Variants in TMEM234 observed in about 807,000 individuals in gnomAD.
TMEM234 encodes the protein transmembrane protein 234, also known as chromosome 1 open reading frame 91.
Under a neutral mutation model 17.8 loss-of-function variants are expected in TMEM234, and 21 were observed. That is an observed-to-expected ratio of 1.18 (90% confidence interval 0.84 to 1.70). The LOEUF (loss-of-function observed/expected upper bound fraction) is 1.70. Ranked by LOEUF, TMEM234 falls within the 40% of genes most tolerant of loss-of-function variation. The pLI is 0.00. For synonymous variants in TMEM234, 83 were observed against 73.5 expected (o/e 1.13, Z -0.66); for missense variants, 137 against 166.9 (o/e 0.82, Z 0.99).
chr1:32,217,611 C>CA (rs962525715), intron 3 of TMEM234: 1 of 722,726 alleles, frequency 1.4e-6, no homozygotes. Flanking sequence ...TCTTTGCACT[C>CA]AAAGAGAACT....
Position 32,216,363 on chromosome 1 carries a change from G to C in TMEM234, c.*490C>G, listed in dbSNP as rs1269504432. 6.5e-6 allele frequency: 10 copies of C among 1,549,450 alleles called. No individual in the cohort carries two copies. Among genetic ancestry groups the C allele is most frequent in the African/African-American group, 1.4e-5 (1 of 73,122 alleles). ...AAGGCTAATAGACAGCTCATTTCCTGCATCTGCCACTCCGACGCACCTTCT... is the reference window on the plus strand; with the variant it reads ...AAGGCTAATAGACAGCTCATTTCCTCCATCTGCCACTCCGACGCACCTTCT... On this transcript the variant is annotated 3_prime_UTR_variant, in exon 5 of 5. Coordinates refer to ENST00000309777, the MANE Select transcript of TMEM234 (RefSeq NM_019118.5).
At chr1:32,216,998 G>A (rs1638446647) in intron 4 of TMEM234, 51 bp from the exon 5 acceptor site, 1 of 1,612,720 alleles carries the variant, frequency 6.2e-7, no homozygotes, top group African/African-American at 1.3e-5. Flanking sequence ...CATGCCAGTA[G>A]GAGCTGGTAC....
downstream of TMEM234, chr1:32,214,660 C>A: frequency 7.9e-7 from 1 of 1,273,692 alleles, no homozygotes; most frequent in Non-Finnish European, 1.1e-6. Flanking sequence ...GGAGGGAGGA[C>A]GTACTTTGTG....
At chr1:32,215,739 G>A (rs1350105210), downstream of TMEM234, 5 of 1,356,876 alleles carry the variant, frequency 3.7e-6, no homozygotes, top group African/African-American at 5.9e-5. Context: ...GGACCTCCTG[G>A]CTGAGAGCTG....
At chr1:32,215,013 G>A (rs1638260649), downstream of TMEM234, 2 of 1,541,578 alleles carry the variant, frequency 1.3e-6, no homozygotes, top group Non-Finnish European at 1.8e-6. Flanking sequence ...TGTTGGGGAT[G>A]TCCATGGGAG....
Position 32,216,293 on chromosome 1 carries a change from G to A in TMEM234, c.*560C>T, listed in dbSNP as rs1638374520. ...TCACAGCTCTCTACCTGTTTAAGAG[G>A]GGCTGGCAGTGAGGATTTCTGCCTA... On this transcript the variant is annotated 3_prime_UTR_variant, in exon 5 of 5. Coordinates refer to ENST00000309777, the MANE Select transcript of TMEM234 (RefSeq NM_019118.5). The A allele has an allele frequency of 1.3e-6, 2 of 1,499,202 alleles. No individual in the cohort carries two copies. The highest frequency in any genetic ancestry group is 2.0e-5 in the Admixed American group (1 of 49,256). The allele number at this position is 1,499,202 out of a possible 1,614,324, so 92.9% of individuals were successfully genotyped here. A position where few individuals can be genotyped will look rare whatever the true frequency, so the allele number is the denominator to read the frequency against.
At chr1:32,216,972 A>C in intron 4 of TMEM234, 25 bp from the exon 5 acceptor site, 1 of 1,614,046 alleles carries the variant, frequency 6.2e-7, no homozygotes, top group Non-Finnish European at 8.5e-7. Flanking sequence ...AGAAATCAGG[A>C]GGGTCTGAGC....
chr1:32,217,440 TA>T, intron 3 of TMEM234, 89 bp from the exon 4 acceptor site: 1 of 1,580,866 alleles, frequency 6.3e-7, no homozygotes, highest in South Asian at 1.1e-5. Context: ...TTCATACCTT[TA>T]AAAAAGGTAT....
downstream of TMEM234, chr1:32,215,354 G>T: frequency 1.7e-6 from 2 of 1,156,732 alleles, no homozygotes; most frequent in Non-Finnish European, 2.4e-6. Context: ...TTCAGGGGAG[G>T]GAAAGGGGCT....
downstream of TMEM234, chr1:32,215,227 C>T (rs771859529): frequency 2.4e-4 from 142 of 587,564 alleles, no homozygotes; most frequent in Non-Finnish European, 3.6e-4. Context: ...CTGGAAAGGG[C>T]AGTGCTTAAA....
chr1:32,216,867 G>A lies in TMEM234; in HGVS notation c.409C>T (p.Gln137Ter), dbSNP rs1440150692. The change falls in exon 5 of 5, where the codon CAG (glutamine) becomes TAG (stop). Residue 137 changes from glutamine to a stop codon, truncating the protein, a stop_gained. Transcript: ENST00000309777. LOFTEE classifies it high-confidence loss of function. ...GTTCGGCCCACTCAAAGGGTAGACT[G>A]TTGCCCCTGGGTCTTACTCACTGAG... ...TSSVSKTQGQ[Q>*]STL 1 of 1,614,184 alleles carries A rather than the reference G, an allele frequency of 6.2e-7. No individual in the cohort carries two copies. Among genetic ancestry groups the A allele is most frequent in the African/African-American group, 1.3e-5 (1 of 75,038 alleles).
downstream of TMEM234, chr1:32,215,300 A>G: frequency 1.4e-6 from 1 of 721,756 alleles, no homozygotes; most frequent in Non-Finnish European, 2.3e-6. Flanking sequence ...CCCACCTCTC[A>G]CTTCCTTGCC....
At chr1:32,221,052 A>C (rs1638856097) in intron 3 of TMEM234, 79 bp downstream of exon 3, 1 of 1,209,892 alleles carries the variant, frequency 8.3e-7, no homozygotes, top group Admixed American at 1.9e-5. Context: ...GAGGTGTTTC[A>C]AGCTCCACCC....
At chr1:32,217,081 G>A in intron 4 of TMEM234, 134 bp from the exon 5 acceptor site, 1 of 1,565,928 alleles carries the variant, frequency 6.4e-7, no homozygotes. Flanking sequence ...TCTCCAGACT[G>A]TCCAGGGGAA....
intron 3 of TMEM234, among the ~76,000 whole-genome samples, chr1:32,220,459 G>A (rs138488546): frequency 0.016 from 2,470 of 152,326 alleles, 32 homozygotes; most frequent in Non-Finnish European, 0.021. Flanking sequence ...TTACAGGCGT[G>A]AGTCACCATG....
At chr1:32,214,508 C>T (rs1643718075), downstream of TMEM234, 1 of 411,404 alleles carries the variant, frequency 2.4e-6, no homozygotes. Context: ...CAGCTCTAAG[C>T]CCTCCCAAGA....
At chr1:32,221,104 G>C (rs1247211957) in intron 3 of TMEM234, 27 bp downstream of exon 3, 1 of 1,602,576 alleles carries the variant, frequency 6.2e-7, no homozygotes, top group Admixed American at 1.7e-5. Flanking sequence ...CAAACACTAA[G>C]CAGAACAGTT....
chr1:32,215,884 C>T (rs1215972976), downstream of TMEM234: 27 of 1,551,082 alleles, frequency 1.7e-5, no homozygotes, highest in Admixed American at 5.9e-5. Flanking sequence ...TCAGCCCCAG[C>T]TCTGCCATCT....
At chr1:32,215,384 G>T, downstream of TMEM234, 3 of 1,451,168 alleles carry the variant, frequency 2.1e-6, no homozygotes, top group Non-Finnish European at 2.8e-6. Flanking sequence ...GTCCAGGGCA[G>T]GAATGCTGAG....
Sources: allele counts gnomAD v4.1 joint callset (sites outside exome capture counted in the v4.1 genomes callset), GRCh38; gene constraint gnomAD v4.1.1; transcripts MANE v1.5; gene names NCBI Gene and HGNC (gene_info 2026-07-23, HGNC 2026-07-21).